Variants in ARID1B observed in about 807,000 individuals in gnomAD.
ARID1B encodes AT-rich interactive domain-containing protein 1B.
A neutral mutation model predicts 212.3 loss-of-function variants in ARID1B; 30 were observed. That is an observed-to-expected ratio of 0.14 (90% confidence interval 0.11 to 0.19). The LOEUF (loss-of-function observed/expected upper bound fraction) is 0.19. ARID1B is among the 10% of genes least tolerant of loss of function. The probability of loss-of-function intolerance (pLI) is 1.00; values close to 1 mark genes in which losing one functional copy is unlikely to be tolerated. For synonymous variants in ARID1B, 1,402 were observed against 1,301.7 expected, an observed-to-expected ratio of 1.08 and a Z score of -1.66; for missense variants, 2,891 against 3,204.0, an observed-to-expected ratio of 0.90 and a Z score of 2.36.
At position 157,207,512 on chromosome 6, in the gene ARID1B, A is replaced by G; in HGVS notation, c.6740A>G (p.Asn2247Ser). Residue 2247 changes from asparagine (N) to serine (S), a missense_variant, in exon 20 of 20, where the codon AAC (asparagine) becomes AGC (serine). Transcript: ENST00000636930. The surrounding 1 kb of genome is among the most constrained non-coding windows in gnomAD (Gnocchi z 8.5). Reference sequence around the variant, plus strand: ...GTTAGGTACGTTGGGGATCGCAAAAACCCAGTCTGTCGAGAAATGTCCATG... The same window carrying G: ...GTTAGGTACGTTGGGGATCGCAAAAGCCCAGTCTGTCGAGAAATGTCCATG... Reference protein sequence around the residue: ...TLVRYVGDRKNPVCREMSMAL... With the variant: ...TLVRYVGDRKSPVCREMSMAL... The G allele has an allele frequency of 6.2e-7, 1 of 1,614,068 alleles. No individual in the cohort carries two copies. Among genetic ancestry groups the G allele is most frequent in the Non-Finnish European group, 8.5e-7 (1 of 1,180,020 alleles).
At chr6:156,792,528 A>T (rs760336880) in intron 1 of ARID1B, among the ~76,000 whole-genome samples, 3 of 152,240 alleles carry the variant, frequency 2.0e-5, no homozygotes, top group Non-Finnish European at 2.9e-5. Flanking sequence ...TTGCCTTGTT[A>T]ATAAACATAC....
intron 2 of ARID1B, among the ~76,000 whole-genome samples, chr6:156,895,754 A>ACC (rs1438577643): frequency 1.3e-4 from 19 of 151,290 alleles, no homozygotes; most frequent in African/African-American, 4.7e-4. Context: ...ACACACACAC[A>ACC]CCCACATACA....
intron 4 of ARID1B, among the ~76,000 whole-genome samples, chr6:157,081,223 A>G (rs1289828078): frequency 6.6e-6 from 1 of 152,216 alleles, no homozygotes; most frequent in East Asian, 1.9e-4. Flanking sequence ...GGGTAGAATG[A>G]GATGCAGTAA....
chr6:157,003,232 T>G (rs967351127), intron 4 of ARID1B, among the ~76,000 whole-genome samples: 6 of 152,268 alleles, frequency 3.9e-5, no homozygotes, highest in Admixed American at 3.9e-4. Flanking sequence ...GACTGCCATG[T>G]GGAGAATGGA....
At chr6:156,945,934 G>C (rs528839770) in intron 4 of ARID1B, among the ~76,000 whole-genome samples, 1 of 152,138 alleles carries the variant, frequency 6.6e-6, no homozygotes, top group Non-Finnish European at 1.5e-5. Flanking sequence ...GCTTGAGCCT[G>C]AGAGATGGAG....
At chr6:156,817,360 A>G (rs1291973359) in intron 1 of ARID1B, among the ~76,000 whole-genome samples, 6 of 151,508 alleles carry the variant, frequency 4.0e-5, no homozygotes, top group Non-Finnish European at 8.8e-5. Flanking sequence ...AAGCAGCCTG[A>G]TGTTGTGACT....
chr6:156,861,175 G>GT (rs1346240405), intron 2 of ARID1B, among the ~76,000 whole-genome samples: 1 of 152,190 alleles, frequency 6.6e-6, no homozygotes, highest in Non-Finnish European at 1.5e-5. Flanking sequence ...GACTCTGTGT[G>GT]TTTGGTGGTG....
intron 4 of ARID1B, among the ~76,000 whole-genome samples, chr6:157,043,824 A>G (rs1006756111): frequency 6.6e-6 from 1 of 152,226 alleles, no homozygotes; most frequent in African/African-American, 2.4e-5. Flanking sequence ...TTGAGTGGGT[A>G]TGGCTGGCAT....
intron 4 of ARID1B, among the ~76,000 whole-genome samples, chr6:157,008,676 G>A (rs995297129): frequency 1.3e-5 from 2 of 152,054 alleles, no homozygotes; most frequent in African/African-American, 2.4e-5. Context: ...GTGGTGGGAG[G>A]CCTTACCAAG....
At chr6:156,887,762 G>GAA (rs71268479) in intron 2 of ARID1B, among the ~76,000 whole-genome samples, 42 of 149,896 alleles carry the variant, frequency 2.8e-4, no homozygotes, top group South Asian at 2.1e-4. Context: ...TCTTTCATTT[G>GAA]AAAAAAAAAG....
intron 2 of ARID1B, among the ~76,000 whole-genome samples, chr6:156,847,156 C>A (rs983776830): frequency 6.6e-6 from 1 of 151,916 alleles, no homozygotes; most frequent in African/African-American, 2.4e-5. Flanking sequence ...CTTTAATAAG[C>A]AGTTTTTTTT....
chr6:156,944,614 C>G (rs942137901), intron 4 of ARID1B, among the ~76,000 whole-genome samples: 2 of 152,118 alleles, frequency 1.3e-5, no homozygotes, highest in African/African-American at 4.8e-5. Flanking sequence ...TAATGCCAAC[C>G]GGATGGTTTT....
At chr6:156,810,482 G>GT (rs1427317086) in intron 1 of ARID1B, among the ~76,000 whole-genome samples, 1 of 152,142 alleles carries the variant, frequency 6.6e-6, no homozygotes, top group Non-Finnish European at 1.5e-5. Context: ...AGCGAGAGGG[G>GT]TGTTCTCCTT....
At chr6:156,913,280 G>A (rs1379840446) in intron 3 of ARID1B, among the ~76,000 whole-genome samples, 1 of 148,336 alleles carries the variant, frequency 6.7e-6, no homozygotes, top group Non-Finnish European at 1.5e-5. Flanking sequence ...GCAGTGGCGC[G>A]ATCTGGGCTC....
chr6:156,848,687 G>A (rs552106143), intron 2 of ARID1B, among the ~76,000 whole-genome samples: 4 of 152,248 alleles, frequency 2.6e-5, no homozygotes, highest in African/African-American at 7.2e-5. Context: ...AAAAATACCC[G>A]GTGTGTGGTC....
intron 2 of ARID1B, among the ~76,000 whole-genome samples, chr6:156,850,251 A>G (rs1784494330): frequency 6.6e-6 from 1 of 152,002 alleles, no homozygotes; most frequent in South Asian, 2.1e-4. Context: ...ATGCTACAAT[A>G]TATGATTAAA....
At chr6:156,990,104 G>A (rs1445926733) in intron 4 of ARID1B, among the ~76,000 whole-genome samples, 1 of 151,660 alleles carries the variant, frequency 6.6e-6, no homozygotes, top group African/African-American at 2.4e-5. Context: ...AGTGGTGTTT[G>A]TCCTTAGAGA....
intron 6 of ARID1B, among the ~76,000 whole-genome samples, chr6:157,125,991 C>A (rs757659394): frequency 6.6e-6 from 1 of 152,066 alleles, no homozygotes; most frequent in Non-Finnish European, 1.5e-5. Context: ...ACATCTTTTG[C>A]TTTTTAAAAA....
At chr6:156,889,632 A>G (rs1787771205) in intron 2 of ARID1B, among the ~76,000 whole-genome samples, 1 of 152,192 alleles carries the variant, frequency 6.6e-6, no homozygotes, top group Non-Finnish European at 1.5e-5. Context: ...TTTTCCAGGT[A>G]CCTCGAAAAG....
Sources: allele counts gnomAD v4.1 joint callset (sites outside exome capture counted in the v4.1 genomes callset), GRCh38; gene constraint gnomAD v4.1.1; non-coding constraint Gnocchi (gnomAD v3.1); transcripts MANE v1.5; gene names NCBI Gene and HGNC (gene_info 2026-07-23, HGNC 2026-07-21).